The following PCDH15 variants were observed in gnomAD, a reference collection of about 807,000 sequenced individuals.
PCDH15 encodes protocadherin related 15.
Under a neutral mutation model 178.5 loss-of-function variants are expected in PCDH15, and 129 were observed. The ratio of observed to expected loss-of-function variants is 0.72; its 90% CI spans 0.63 to 0.84. The LOEUF (loss-of-function observed/expected upper bound fraction) is 0.84. Ranked by LOEUF, PCDH15 falls within the 40% of genes least tolerant of loss-of-function variation. PCDH15 has a pLI of 0.00. For synonymous variants in PCDH15, 800 were observed against 732.0 expected, an observed-to-expected ratio of 1.09 and a Z score of -1.50; for missense variants, 2,230 against 2,099.9, an observed-to-expected ratio of 1.06 and a Z score of -1.21.
intron 2 of PCDH15, among the ~76,000 whole-genome samples, chr10:55,627,308 C>T (rs1368166028): frequency 6.6e-6 from 1 of 152,116 alleles, no homozygotes; most frequent in Non-Finnish European, 1.5e-5. Context: ...TTCTTGCCCA[C>T]AGGAAACACA....
intron 20 of PCDH15, among the ~76,000 whole-genome samples, chr10:54,004,350 C>T (rs1373340190): frequency 6.7e-6 from 1 of 150,236 alleles, no homozygotes; most frequent in East Asian, 2.0e-4. Context: ...TCAAATTATC[C>T]TTGTTTGCAA....
intron 1 of PCDH15, among the ~76,000 whole-genome samples, chr10:55,276,601 A>G (rs553391689): frequency 5.9e-5 from 9 of 151,684 alleles, no homozygotes; most frequent in Admixed American, 5.3e-4. Flanking sequence ...TCTTCATTCA[A>G]TATTTTTATA....
intron 2 of PCDH15, among the ~76,000 whole-genome samples, chr10:54,900,403 A>G (rs1267871035): frequency 6.6e-6 from 1 of 152,212 alleles, no homozygotes; most frequent in Non-Finnish European, 1.5e-5. Context: ...AGATTTGAGC[A>G]AAGTCTTAAA....
chr10:55,274,200 T>C lies in PCDH15; in HGVS notation c.-156+45399A>G, dbSNP rs372944979. On this transcript the variant is annotated intron_variant, in intron 1 of 5. Coordinates refer to the PCDH15 transcript ENST00000458638. The stretch of plus-strand genomic sequence containing the variant: ...TTGCCAACACATTTGAAACAGGGTG[T>C]CCTCCCTCAGCAATACTGATTGAAT... Among the ~76,000 whole-genome samples, 72 of 152,118 alleles carry C rather than the reference T, an allele frequency of 4.7e-4. 1 individual carries two copies. The highest frequency in any genetic ancestry group is 1.6e-3 in the African/African-American group (67 of 41,480).
chr10:54,608,775 G>A (rs557080514), intron 2 of PCDH15, among the ~76,000 whole-genome samples: 1 of 151,700 alleles, frequency 6.6e-6, no homozygotes, highest in South Asian at 2.1e-4. Flanking sequence ...GTAAAATACA[G>A]TCATTTGTTT....
intron 2 of PCDH15, among the ~76,000 whole-genome samples, chr10:55,366,393 C>T (rs1845362238): frequency 6.6e-6 from 1 of 151,906 alleles, no homozygotes; most frequent in Non-Finnish European, 1.5e-5. Context: ...AACAGTTGTT[C>T]CCAAACAATA....
At chr10:55,538,609 T>C (rs1841662843) in intron 2 of PCDH15, among the ~76,000 whole-genome samples, 1 of 70,856 alleles carries the variant, frequency 1.4e-5, no homozygotes, top group Non-Finnish European at 2.7e-5. Flanking sequence ...TTCCTTTCCT[T>C]CCTTCCTTCC....
intron 2 of PCDH15, among the ~76,000 whole-genome samples, chr10:55,606,425 GC>G (rs1427022966): frequency 6.6e-6 from 1 of 151,204 alleles, no homozygotes; most frequent in Non-Finnish European, 1.5e-5. Flanking sequence ...CCAAAAAAGA[GC>G]CCGCATTGCC....
chr10:54,934,750 A>G (rs2131856706), intron 2 of PCDH15, among the ~76,000 whole-genome samples: 1 of 151,924 alleles, frequency 6.6e-6, no homozygotes, highest in Non-Finnish European at 1.5e-5. Context: ...AAGGATTATA[A>G]ATCATGCTGC....
chr10:53,886,825 A>G lies in PCDH15; in HGVS notation c.3501+16418T>C, dbSNP rs545469896. On this transcript the variant is annotated intron_variant, in intron 26 of 37. Coordinates refer to ENST00000644397, the MANE Select transcript of PCDH15 (RefSeq NM_001384140.1). ...GAAGCCACACTGTTTACTTTTTCCT[A>G]TGATGTTTGTTCTCTGCTGAGTGTC... Among the ~76,000 whole-genome samples, 4 of 152,098 alleles carry G rather than the reference A, an allele frequency of 2.6e-5. No individual in the cohort carries two copies. In the South Asian group the frequency reaches 8.3e-4, roughly 32 times the overall value.
At chr10:54,866,510 A>G (rs1026407912) in intron 3 of PCDH15, among the ~76,000 whole-genome samples, 2 of 152,234 alleles carry the variant, frequency 1.3e-5, no homozygotes, top group Non-Finnish European at 2.9e-5. Context: ...GTAAAAAATC[A>G]AAGATAGCAA....
At chr10:54,803,589 T>C (rs897926920), upstream of PCDH15, among the ~76,000 whole-genome samples, 1 of 152,250 alleles carries the variant, frequency 6.6e-6, no homozygotes, top group East Asian at 1.9e-4. Flanking sequence ...TGTCTAAAGA[T>C]GCTTTCTCTA....
intron 3 of PCDH15, among the ~76,000 whole-genome samples, chr10:54,867,648 T>A (rs10733934): frequency 0.78 from 118,355 of 151,984 alleles, 46,205 homozygotes; most frequent in East Asian, 0.9. Context: ...TGTCATGGTC[T>A]TTAATAATAT....
At chr10:55,307,974 A>G (rs953818375) in intron 1 of PCDH15, among the ~76,000 whole-genome samples, 3 of 152,158 alleles carry the variant, frequency 2.0e-5, no homozygotes, top group African/African-American at 4.8e-5. Flanking sequence ...TTATTCAATA[A>G]TCACATCCCT....
At chr10:54,111,214 A>G (rs1299897670) in intron 15 of PCDH15, among the ~76,000 whole-genome samples, 1 of 152,248 alleles carries the variant, frequency 6.6e-6, no homozygotes, top group African/African-American at 2.4e-5. Flanking sequence ...ATAAACTCTG[A>G]GGTTTATTTA....
intron 3 of PCDH15, among the ~76,000 whole-genome samples, chr10:54,485,600 T>C (rs1366893328): frequency 6.6e-6 from 1 of 151,992 alleles, no homozygotes; most frequent in East Asian, 1.9e-4. Context: ...TATTAGCCAG[T>C]TGCTAGACTT....
At chr10:55,412,019 G>A (rs948002648) in intron 2 of PCDH15, among the ~76,000 whole-genome samples, 2 of 152,006 alleles carry the variant, frequency 1.3e-5, no homozygotes, top group Admixed American at 6.6e-5. Context: ...TACAATCTGC[G>A]ATGTTTGAGA....
At chr10:54,346,926 G>A (rs1943389541) in intron 5 of PCDH15, among the ~76,000 whole-genome samples, 1 of 152,202 alleles carries the variant, frequency 6.6e-6, no homozygotes, top group Admixed American at 6.5e-5. Flanking sequence ...CAAGTGGCAA[G>A]TTTGAGAAAG....
intron 1 of PCDH15, among the ~76,000 whole-genome samples, chr10:54,779,264 C>G (rs1950021276): frequency 6.6e-6 from 1 of 150,592 alleles, no homozygotes; most frequent in South Asian, 2.1e-4. Context: ...GGTTACTGAC[C>G]AGAACTCTGC....
Sources: allele counts gnomAD v4.1 joint callset (sites outside exome capture counted in the v4.1 genomes callset), GRCh38; gene constraint gnomAD v4.1.1; transcripts MANE v1.5; gene names NCBI Gene and HGNC (gene_info 2026-07-23, HGNC 2026-07-21).